Variants in ASIP observed in about 807,000 individuals in gnomAD.
The protein encoded by ASIP is agouti signaling protein, also known as agouti-signaling protein.
Under a neutral mutation model 10.3 loss-of-function variants are expected in ASIP, and 11 were observed. The ratio of observed to expected loss-of-function variants is 1.07; its 90% CI spans 0.68 to 1.78. The LOEUF (loss-of-function observed/expected upper bound fraction) is 1.78, where lower values mean the gene tolerates loss of function less well. ASIP is among the 40% of genes most tolerant of loss of function. The probability of loss-of-function intolerance (pLI) is 0.00; values close to 1 mark genes in which losing one functional copy is unlikely to be tolerated. For missense variants in ASIP, 180 were observed against 169.2 expected, an observed-to-expected ratio of 1.06 and a Z score of -0.35; for synonymous variants, 70 against 70.8, an observed-to-expected ratio of 0.99 and a Z score of 0.06.
chr20:34,201,005 CTTCCTTCCTTCCTTCTTTCTTTCTTTCT>C (rs1284448965), intron 1 of ASIP, among the ~76,000 whole-genome samples: 1 of 60,876 alleles, frequency 1.6e-5, no homozygotes, highest in Non-Finnish European at 2.8e-5. Flanking sequence ...TCCTTCCTTC[CTTCCTTCCTTCCTTCTTTCTTTCTTTCT>C]TTCTTTCTTT....
At chr20:34,240,101 T>C (rs185418154), upstream of ASIP, among the ~76,000 whole-genome samples, 1 of 152,276 alleles carries the variant, frequency 6.6e-6, no homozygotes, top group East Asian at 1.9e-4. Flanking sequence ...TGTTCTATAC[T>C]GTTTTGAAAG....
rs75973523 is a variant in ASIP at position 34,226,192 on chromosome 20, C to T, written c.-11+31432C>T. Among the ~76,000 whole-genome samples, 374 of 152,284 alleles carry T rather than the reference C, an allele frequency of 2.5e-3. 3 individuals carry two copies. The highest frequency in any genetic ancestry group is 8.4e-3 in the African/African-American group (350 of 41,554). ...GAATTACAGGCGTGAGCCACACGCT[C>T]AGCTGACGTGTACCTACTTTAGAAC... On this transcript the variant is annotated intron_variant, in intron 1 of 3. Coordinates refer to the ASIP transcript ENST00000568305.
At chr20:34,214,376 T>C in intron 1 of ASIP, 2 of 1,331,460 alleles carry the variant, frequency 1.5e-6, no homozygotes, top group East Asian at 2.3e-5. Context: ...ACGTCACAGA[T>C]GTATGCTGAT....
At chr20:34,227,015 G>A (rs1417639384) in intron 1 of ASIP, among the ~76,000 whole-genome samples, 1 of 151,800 alleles carries the variant, frequency 6.6e-6, no homozygotes, top group Middle Eastern at 3.2e-3. Context: ...CAAGAACAAG[G>A]AATAAAAAAC....
chr20:34,227,040 T>G (rs1036167176), intron 1 of ASIP, among the ~76,000 whole-genome samples: 1 of 152,148 alleles, frequency 6.6e-6, no homozygotes, highest in African/African-American at 2.4e-5. Flanking sequence ...AGCTTGGAAA[T>G]GAAACAGTAA....
upstream of ASIP, among the ~76,000 whole-genome samples, chr20:34,237,052 T>C (rs1040546040): frequency 6.6e-6 from 1 of 152,230 alleles, no homozygotes; most frequent in Non-Finnish European, 1.5e-5. Flanking sequence ...CTTTATTTAT[T>C]CTATTATGGG....
At chr20:34,214,073 T>C (rs1296799515) in intron 1 of ASIP, 7 of 1,236,436 alleles carry the variant, frequency 5.7e-6, no homozygotes, top group Non-Finnish European at 8.3e-6. Context: ...ACTCCAACTG[T>C]CTCATAAATA....
chr20:34,245,834 A>C, intron 1 of ASIP: 1 of 769,220 alleles, frequency 1.3e-6, no homozygotes, highest in South Asian at 5.8e-5. Flanking sequence ...CTACAGTTTT[A>C]CTGTAGAATA....
the ASIP span, among the ~76,000 whole-genome samples, chr20:34,187,393 C>T: frequency 3.3e-5 from 5 of 152,146 alleles, no homozygotes; most frequent in South Asian, 1.0e-3. Context: ...CCTTTGGCCT[C>T]TAAAGTTCTT....
intron 1 of ASIP, among the ~76,000 whole-genome samples, chr20:34,196,706 C>T (rs1018393084): frequency 7.2e-5 from 11 of 152,136 alleles, no homozygotes; most frequent in Admixed American, 4.6e-4. Flanking sequence ...CCCATACCTG[C>T]GTAGCCGGTT....
chr20:34,266,586 T>G (rs1245123513), intron 3 of ASIP, among the ~76,000 whole-genome samples: 2 of 150,150 alleles, frequency 1.3e-5, no homozygotes, highest in Non-Finnish European at 3.0e-5. Flanking sequence ...GGCAGGAGAA[T>G]CACTGGAACC....
upstream of ASIP, among the ~76,000 whole-genome samples, chr20:34,192,258 C>T (rs868320291): frequency 6.6e-6 from 1 of 151,322 alleles, no homozygotes. Context: ...CTCAAGCCCC[C>T]GACCTTAGGT....
chr20:34,224,788 ATC>A (rs966942021), intron 1 of ASIP, among the ~76,000 whole-genome samples: 10 of 151,868 alleles, frequency 6.6e-5, no homozygotes, highest in African/African-American at 2.4e-4. Context: ...TGCACTGACA[ATC>A]TCTGGGAAAA....
rs986772489 is a variant in ASIP, at chr20:34,196,964, C to T, written c.-11+2204C>T. ...ATTTTTCAGAAGAATCAGCTTGAAG[C>T]AAAAATACTGAACTTAAACATTCTT... On this transcript the variant is annotated intron_variant, in intron 1 of 3. Transcript: ENST00000568305. 2.7e-5 allele frequency among the ~76,000 whole-genome samples: 4 copies of T among 150,548 alleles called. No individual in the cohort carries two copies. The East Asian group carries it at 5.8e-4, about 22-fold the overall frequency.
At chr20:34,188,295 C>G in the ASIP span, among the ~76,000 whole-genome samples, 2 of 152,312 alleles carry the variant, frequency 1.3e-5, no homozygotes, top group East Asian at 1.9e-4. Flanking sequence ...GCTTTCAGCC[C>G]TTTTGTCTCC....
chr20:34,193,452 A>G (rs2034836713), upstream of ASIP, among the ~76,000 whole-genome samples: 1 of 151,586 alleles, frequency 6.6e-6, no homozygotes, highest in African/African-American at 2.4e-5. Flanking sequence ...TTCCAGTTAC[A>G]TTAAAAACCA....
At chr20:34,213,539 G>C in intron 1 of ASIP, 1 of 1,529,664 alleles carries the variant, frequency 6.5e-7, no homozygotes, top group Non-Finnish European at 8.9e-7. Flanking sequence ...GGCCAGAGTA[G>C]CACTTCAAAA....
intron 3 of ASIP, among the ~76,000 whole-genome samples, chr20:34,268,775 A>G (rs895769787): frequency 6.6e-6 from 1 of 151,458 alleles, no homozygotes; most frequent in Non-Finnish European, 1.5e-5. Flanking sequence ...AACACAAACT[A>G]GGGAGAAGAC....
At chr20:34,214,684 C>G (rs757456723) in intron 1 of ASIP, 5 of 1,076,140 alleles carry the variant, frequency 4.6e-6, no homozygotes, top group Non-Finnish European at 5.8e-6. Flanking sequence ...TTTATCTTGA[C>G]CCTCATTTTC....
Sources: gnomAD v4.1 joint callset for allele counts (sites outside exome capture counted in the v4.1 genomes callset) on GRCh38, gnomAD v4.1.1 for gene constraint, MANE v1.5 for transcripts, NCBI Gene and HGNC (gene_info 2026-07-23, HGNC 2026-07-21) for gene names.